ACTN1: variants seen among roughly 807,000 people sequenced by gnomAD.
ACTN1 encodes the protein actinin alpha 1, also known as alpha-actinin-1.
A neutral mutation model predicts 119.6 loss-of-function variants in ACTN1; 30 were observed. That is an observed-to-expected ratio of 0.25 (90% confidence interval 0.19 to 0.34). ACTN1 has a LOEUF of 0.34. ACTN1 is among the 10% of genes least tolerant of loss of function. The pLI is 1.00. For missense variants in ACTN1, 764 were observed against 1,223.4 expected (o/e 0.62, Z 5.60); for synonymous variants, 429 against 472.6 (o/e 0.91, Z 1.20).
chr14:68,936,120 C>T (rs897478209), intron 1 of ACTN1, among the ~76,000 whole-genome samples: 17 of 152,322 alleles, frequency 1.1e-4, no homozygotes, highest in Middle Eastern at 3.4e-3. Flanking sequence ...CATCAGAACA[C>T]GCCTAATGAG....
chr14:68,878,552 A>G lies in ACTN1; in HGVS notation c.2362-29T>C. ...TGGGGGGCAGTGGTACCAAGACACA[A>G]GGAGGGTCGGGAAGGCAGGAAGAGG... On this transcript the variant is annotated intron_variant, in intron 19 of 21. Transcript: ENST00000394419. This position sits in a 1 kb window ranked among gnomAD's most constrained non-coding sequence, Gnocchi z 4.4. The G allele has an allele frequency of 6.2e-7, 1 of 1,612,468 alleles. No homozygotes were observed. Among genetic ancestry groups the G allele is most frequent in the Non-Finnish European group, 8.5e-7 (1 of 1,179,180 alleles).
At chr14:68,928,185 A>G (rs2035025752) in intron 1 of ACTN1, among the ~76,000 whole-genome samples, 1 of 152,036 alleles carries the variant, frequency 6.6e-6, no homozygotes, top group Non-Finnish European at 1.5e-5. Flanking sequence ...GATGAGATAA[A>G]GGAGGAAGAG....
chr14:68,884,766 AC>A lies in ACTN1; in HGVS notation c.1494+8del. 1.2e-6 allele frequency: 2 copies of A among 1,601,824 alleles called. No individual in the cohort carries two copies. Among genetic ancestry groups the A allele is most frequent in the Non-Finnish European group, 1.7e-6 (2 of 1,168,978 alleles). On this transcript the variant is annotated splice_region_variant and intron_variant, in intron 13 of 21. Coordinates refer to ENST00000394419, the MANE Select transcript of ACTN1 (RefSeq NM_001130004.2). ...ATATGGGCCTAGATCTCCCTCTGGG[AC>A]CTCTCACCTCCAGAGCTTCCCTTCG...
chr14:68,890,618 T>C (rs2032401812), intron 10 of ACTN1, among the ~76,000 whole-genome samples: 1 of 151,976 alleles, frequency 6.6e-6, no homozygotes, highest in Non-Finnish European at 1.5e-5. Flanking sequence ...CTCTAACCGA[T>C]CACAGAGGTC....
At chr14:68,970,432 C>A (rs1442338535) in intron 1 of ACTN1, among the ~76,000 whole-genome samples, 1 of 152,186 alleles carries the variant, frequency 6.6e-6, no homozygotes, top group Non-Finnish European at 1.5e-5. Flanking sequence ...ACGGGTTTCA[C>A]GTGCACAGGC....
chr14:68,974,469 G>C (rs1180354054), intron 1 of ACTN1, among the ~76,000 whole-genome samples: 1 of 152,158 alleles, frequency 6.6e-6, no homozygotes, highest in Admixed American at 6.5e-5. Flanking sequence ...AATGGGAGGG[G>C]GTGCTCCCCA....
At chr14:68,912,044 A>G in intron 4 of ACTN1, 112 bp downstream of exon 4, 1 of 891,142 alleles carries the variant, frequency 1.1e-6, no homozygotes, top group East Asian at 2.5e-5. Flanking sequence ...CAAGAAGCCC[A>G]GGACATGGCC....
At chr14:68,929,634 CCCAGGAAAAGTCCTTGGGA>C (rs3837662) in intron 1 of ACTN1, among the ~76,000 whole-genome samples, 15,013 of 152,150 alleles carry the variant, frequency 0.099, 886 homozygotes, top group African/African-American at 0.15. Context: ...GCCGAGAGGT[CCCAGGAAAAGTCCTTGGGA>C]CCAAGGACCA....
chr14:68,952,595 C>T (rs1019590912), intron 1 of ACTN1, among the ~76,000 whole-genome samples: 1 of 152,118 alleles, frequency 6.6e-6, no homozygotes, highest in African/African-American at 2.4e-5. Context: ...AGCGGCATCC[C>T]GCCCACCCCC....
intron 1 of ACTN1, among the ~76,000 whole-genome samples, chr14:68,939,707 C>CA (rs2035700116): frequency 6.6e-6 from 1 of 152,078 alleles, no homozygotes; most frequent in African/African-American, 2.4e-5. Flanking sequence ...AAACTGATGG[C>CA]AAAAATAGCT....
chr14:68,927,822 T>C (rs992134549), intron 1 of ACTN1, among the ~76,000 whole-genome samples: 3 of 152,226 alleles, frequency 2.0e-5, no homozygotes, highest in South Asian at 2.1e-4. Flanking sequence ...ACAAATATAA[T>C]TTACTTTGGT....
rs780316980 is a variant in ACTN1 at position 68,902,462 on chromosome 14, G to C, written c.762+15C>G. On this transcript the variant is annotated intron_variant, in intron 8 of 21. Coordinates refer to ENST00000394419, the MANE Select transcript of ACTN1 (RefSeq NM_001130004.2). ...AGGTGTGCTGGGCATGGAAGGAGCA[G>C]GGGGCCCCGGGTACCTTCTGGGCTC... 1.4e-5 allele frequency: 22 copies of C among 1,611,010 alleles called. No homozygotes were observed. Among genetic ancestry groups the C allele is most frequent in the Non-Finnish European group, 1.5e-5 (18 of 1,177,644 alleles).
intron 20 of ACTN1, 113 bp from the exon 21 acceptor site, chr14:68,877,353 C>T (rs2031022586): frequency 7.5e-7 from 1 of 1,342,012 alleles, no homozygotes; most frequent in Non-Finnish European, 1.0e-6. Context: ...GAGAAGGGCA[C>T]ATCCCCCTGA....
At chr14:68,938,912 G>T (rs565840739) in intron 1 of ACTN1, among the ~76,000 whole-genome samples, 9 of 152,280 alleles carry the variant, frequency 5.9e-5, no homozygotes, top group Non-Finnish European at 7.4e-5. Flanking sequence ...AGATGGGGAG[G>T]GGGGAGTGGA....
intron 1 of ACTN1, among the ~76,000 whole-genome samples, chr14:68,938,332 G>A (rs1464870252): frequency 6.6e-6 from 1 of 152,128 alleles, no homozygotes; most frequent in Non-Finnish European, 1.5e-5. Context: ...TGGGGTCCTG[G>A]AGATTCAGAG....
rs1413763709 is a variant in ACTN1 at position 68,874,975 on chromosome 14, C to G, written c.2629G>C (p.Asp877His). The G allele has an allele frequency of 1.2e-6, 2 of 1,613,650 alleles. No individual in the cohort carries two copies. The highest frequency in any genetic ancestry group is 1.6e-4 in the Middle Eastern group (1 of 6,084). ...CGCGCGATGCAGTACTCAGCCTGGT[C>G]GGGTGGCAGCTCGCGGCGCAGCTCG... ...MDELRRELPP[D>H]QAEYCIARMA... The change falls in exon 22 of 22, where the codon GAC (aspartate) becomes CAC (histidine). Residue 877 changes from aspartate (D) to histidine (H), a missense_variant. Physicochemically the swap from Asp to His is moderately conservative, Grantham distance 81. Transcript: ENST00000394419.
intron 1 of ACTN1, among the ~76,000 whole-genome samples, chr14:68,942,184 C>G (rs1193254106): frequency 6.6e-6 from 1 of 151,020 alleles, no homozygotes; most frequent in African/African-American, 2.4e-5. Context: ...CTGCAGGAAC[C>G]TACGCAACAG....
chr14:68,925,350 C>T lies in ACTN1; in HGVS notation c.220+208G>A. On this transcript the variant is annotated intron_variant, in intron 2 of 21. Coordinates refer to ENST00000394419, the MANE Select transcript of ACTN1 (RefSeq NM_001130004.2). The surrounding 1 kb of genome is among the most constrained non-coding windows in gnomAD (Gnocchi z 4.3). ...TTTTTTTTTTTTTTTTTAAAACAAA[C>T]AAGGATGCTGAAACAAATGTCCAAG... Among the ~76,000 whole-genome samples the T allele has an allele frequency of 1.1e-5, 1 of 91,894 alleles. No individual in the cohort carries two copies. The highest frequency in any genetic ancestry group is 4.0e-5 in the African/African-American group (1 of 25,140). The allele number at this position is 91,894 out of a possible 152,430, so 60.3% of individuals were successfully genotyped here. A position where few individuals can be genotyped will look rare whatever the true frequency, so the allele number is the denominator to read the frequency against.
rs2034889084 is a variant in ACTN1, at chr14:68,925,713, G to A, written c.106-41C>T. On this transcript the variant is annotated intron_variant, in intron 1 of 21. Transcript: ENST00000394419. This position sits in a 1 kb window ranked among gnomAD's most constrained non-coding sequence, Gnocchi z 4.3. ...AAGGGCAAGTGGTCAGGGGGCTGGT[G>A]TTGTCACCCTCATTGGACAAGCCAT... The A allele has an allele frequency of 6.5e-7, 1 of 1,534,510 alleles. No homozygotes were observed. The highest frequency in any genetic ancestry group is 1.1e-5 in the South Asian group (1 of 86,984).
Sources: allele counts gnomAD v4.1 joint callset (sites outside exome capture counted in the v4.1 genomes callset), GRCh38; gene constraint gnomAD v4.1.1; non-coding constraint Gnocchi (gnomAD v3.1); transcripts MANE v1.5; gene names NCBI Gene and HGNC (gene_info 2026-07-23, HGNC 2026-07-21).